The following TRHDE variants were observed in gnomAD, a reference collection of about 807,000 sequenced individuals.
TRHDE encodes thyrotropin releasing hormone degrading enzyme, also known as thyrotropin-releasing hormone-degrading ectoenzyme.
In TRHDE, 72 loss-of-function variants were observed where a neutral mutation model predicts 125.7. The observed-to-expected ratio is 0.57, with a 90% confidence interval of 0.47 to 0.70. The LOEUF (loss-of-function observed/expected upper bound fraction) is 0.70. Among genes scored for constraint, TRHDE ranks in the 30% least tolerant of loss-of-function variants. The pLI is 0.00. For missense variants in TRHDE, 1,110 were observed against 1,327.1 expected (o/e 0.84, Z 2.54); for synonymous variants, 509 against 509.1 (o/e 1.00, Z 0.00).
intron 3 of TRHDE, among the ~76,000 whole-genome samples, chr12:72,406,581 A>G (rs1188914582): frequency 6.6e-6 from 1 of 152,092 alleles, no homozygotes; most frequent in African/African-American, 2.4e-5. Context: ...GTTTTGTTAA[A>G]TATCTCCTGA....
chr12:72,139,934 C>CT (rs914602826), intron 2 of TRHDE, among the ~76,000 whole-genome samples: 35 of 152,316 alleles, frequency 2.3e-4, no homozygotes, highest in African/African-American at 8.4e-4. Context: ...AAAACAAAAA[C>CT]TTTAAGACTT....
At position 72,391,193 on chromosome 12, in the gene TRHDE, A is replaced by T. The variant is rs529886724; in HGVS notation, c.1315+13072A>T. Among the ~76,000 whole-genome samples the T allele has an allele frequency of 6.6e-5, 10 of 152,276 alleles. No homozygotes were observed. In the South Asian group the frequency reaches 8.3e-4, roughly 13 times the overall value. ...ACATTTTGAGACGTTTTAAATGAAA[A>T]ATGTACTCCTGGCCCACCTTTTAGT... On this transcript the variant is annotated intron_variant, in intron 3 of 18. Coordinates refer to ENST00000261180, the MANE Select transcript of TRHDE (RefSeq NM_013381.3).
chr12:72,375,068 A>G (rs759501612), intron 2 of TRHDE, among the ~76,000 whole-genome samples: 13 of 152,284 alleles, frequency 8.5e-5, no homozygotes, highest in Admixed American at 3.3e-4. Flanking sequence ...TGTGCCTTTG[A>G]AAAGGCAAGA....
chr12:72,628,080 A>C (rs1442162451), intron 15 of TRHDE, among the ~76,000 whole-genome samples: 1 of 151,940 alleles, frequency 6.6e-6, no homozygotes, highest in East Asian at 1.9e-4. Context: ...TGTAAAACAT[A>C]CTGAGCCTCT....
At chr12:72,500,878 T>TCTTTGGTC (rs1212888582) in intron 6 of TRHDE, among the ~76,000 whole-genome samples, 1 of 150,140 alleles carries the variant, frequency 6.7e-6, no homozygotes, top group Non-Finnish European at 1.5e-5. Context: ...TTTTTAAGTT[T>TCTTTGGTC]CTTTGGTCCT....
At chr12:72,439,179 A>C (rs1433500913) in intron 3 of TRHDE, among the ~76,000 whole-genome samples, 1 of 151,740 alleles carries the variant, frequency 6.6e-6, no homozygotes, top group East Asian at 1.9e-4. Flanking sequence ...TCCCCTTAGT[A>C]CCATACTGTT....
intron 5 of TRHDE, among the ~76,000 whole-genome samples, chr12:72,485,211 C>T (rs1877347399): frequency 6.6e-6 from 1 of 152,168 alleles, no homozygotes; most frequent in Admixed American, 6.5e-5. Context: ...TCCCCATCCC[C>T]ATGGCTCAAG....
intron 1 of TRHDE, among the ~76,000 whole-genome samples, chr12:72,096,822 C>A (rs1874934467): frequency 6.6e-6 from 1 of 152,192 alleles, no homozygotes; most frequent in African/African-American, 2.4e-5. Flanking sequence ...TCACAAAGAC[C>A]TAGTCTTCCT....
At chr12:72,603,303 G>T (rs1041199844) in intron 12 of TRHDE, among the ~76,000 whole-genome samples, 1 of 152,080 alleles carries the variant, frequency 6.6e-6, no homozygotes, top group African/African-American at 2.4e-5. Context: ...GATGTAACAA[G>T]AGGTATCCTG....
chr12:72,648,304 G>C (rs191907719), intron 15 of TRHDE, among the ~76,000 whole-genome samples: 1 of 152,188 alleles, frequency 6.6e-6, no homozygotes, highest in Admixed American at 6.5e-5. Flanking sequence ...ACTCAATGGT[G>C]AAAAATTGAA....
At chr12:72,543,343 G>T (rs1869249346) in intron 7 of TRHDE, among the ~76,000 whole-genome samples, 2 of 151,460 alleles carry the variant, frequency 1.3e-5, no homozygotes, top group Admixed American at 6.6e-5. Context: ...ATTTTTTGAA[G>T]AATAATTTCC....
In TRHDE at chr12:72,272,597, C is replaced by T. The variant is rs1351889062; in HGVS notation, c.-47C>T. On this transcript the variant is annotated 5_prime_UTR_variant, in exon 1 of 19. Coordinates refer to ENST00000261180, the MANE Select transcript of TRHDE (RefSeq NM_013381.3). The surrounding 1 kb of genome is among the most constrained non-coding windows in gnomAD (Gnocchi z 6.7). ...TCTGGCTGTGGCCCGGGTGGCCCGC[C>T]CGCGGGGGGTGCCAGAGGGGGCGGG... 3.8e-6 allele frequency: 3 copies of T among 799,206 alleles called. No homozygotes were observed. The African/African-American group carries it at 5.3e-5, about 14-fold the overall frequency. 49.5% of individuals were successfully genotyped at this position (799,206 alleles called of 1,614,324 possible).
chr12:72,117,601 T>A (rs1875477209), intron 2 of TRHDE, among the ~76,000 whole-genome samples: 1 of 152,132 alleles, frequency 6.6e-6, no homozygotes, highest in Admixed American at 6.6e-5. Context: ...TTGTTTTCGC[T>A]ATTTCTGTGA....
chr12:72,288,254 A>C (rs758942911), intron 2 of TRHDE, among the ~76,000 whole-genome samples: 20 of 152,330 alleles, frequency 1.3e-4, no homozygotes, highest in Non-Finnish European at 2.6e-4. Flanking sequence ...TGATAGCTCT[A>C]AAATAACCTA....
chr12:72,651,581 A>G (rs1219720711), intron 15 of TRHDE, among the ~76,000 whole-genome samples: 1 of 152,026 alleles, frequency 6.6e-6, no homozygotes, highest in Non-Finnish European at 1.5e-5. Flanking sequence ...AAAAGTCAGT[A>G]AATGTAGGGT....
At chr12:72,559,360 A>G (rs1040945284) in intron 7 of TRHDE, among the ~76,000 whole-genome samples, 6 of 152,206 alleles carry the variant, frequency 3.9e-5, no homozygotes, top group African/African-American at 1.4e-4. Context: ...AAAGAGTTAA[A>G]CAGCTTTCTA....
intron 3 of TRHDE, among the ~76,000 whole-genome samples, chr12:72,422,389 A>G (rs953667804): frequency 2.0e-5 from 3 of 152,310 alleles, no homozygotes; most frequent in South Asian, 2.1e-4. Context: ...GAAAGAAAAG[A>G]TACTGTGTTC....
rs534786604 is a variant in TRHDE, at chr12:72,581,750, T to G, written c.2321+6208T>G. ...AAGACGTTACTTTTTTGTAAATTAT[T>G]AGTGTTTTATTAAAAAGCATAAGGA... On this transcript the variant is annotated intron_variant, in intron 12 of 18. Coordinates refer to ENST00000261180, the MANE Select transcript of TRHDE (RefSeq NM_013381.3). Among the ~76,000 whole-genome samples the G allele has an allele frequency of 3.3e-5, 5 of 152,206 alleles. No homozygotes were observed. In the South Asian group the frequency reaches 1.0e-3, roughly 32 times the overall value.
intron 2 of TRHDE, among the ~76,000 whole-genome samples, chr12:72,311,205 T>G (rs1205833563): frequency 6.6e-6 from 1 of 150,982 alleles, no homozygotes; most frequent in Admixed American, 6.6e-5. Flanking sequence ...AACCACTGAT[T>G]TTTTTTTTCT....
Sources: allele counts gnomAD v4.1 joint callset (sites outside exome capture counted in the v4.1 genomes callset), GRCh38; gene constraint gnomAD v4.1.1; non-coding constraint Gnocchi (gnomAD v3.1); transcripts MANE v1.5; gene names NCBI Gene and HGNC (gene_info 2026-07-23, HGNC 2026-07-21).